FOCAD: variants seen among roughly 807,000 people sequenced by gnomAD.
The protein encoded by FOCAD is focadhesin.
A neutral mutation model predicts 225.6 loss-of-function variants in FOCAD; 198 were observed. The ratio of observed to expected loss-of-function variants is 0.88; its 90% CI spans 0.78 to 0.99. FOCAD has a LOEUF of 0.99. FOCAD is among the 50% of genes least tolerant of loss of function. The pLI is 0.00. For synonymous variants in FOCAD, 897 were observed against 755.0 expected, an observed-to-expected ratio of 1.19 and a Z score of -3.08; for missense variants, 2,713 against 2,123.6, an observed-to-expected ratio of 1.28 and a Z score of -5.46.
chr9:20,817,338 T>C (rs963026777), intron 11 of FOCAD, among the ~76,000 whole-genome samples: 4 of 152,110 alleles, frequency 2.6e-5, no homozygotes, highest in African/African-American at 4.8e-5. Context: ...GGAAACCCCA[T>C]GCCCATAAGA....
chr9:20,820,859 G>T, intron 13 of FOCAD, 82 bp from the exon 14 acceptor site: 1 of 1,462,780 alleles, frequency 6.8e-7, no homozygotes, highest in Admixed American at 1.9e-5. Context: ...GGATTTGGAG[G>T]TGAAAATGCT....
chr9:20,941,322 A>G (rs1298950892), intron 28 of FOCAD, among the ~76,000 whole-genome samples: 3 of 152,212 alleles, frequency 2.0e-5, no homozygotes, highest in African/African-American at 7.2e-5. Flanking sequence ...AACTGTAGTC[A>G]TGCAGTCATC....
At chr9:20,794,346 A>G (rs1042205703) in intron 11 of FOCAD, among the ~76,000 whole-genome samples, 5 of 152,236 alleles carry the variant, frequency 3.3e-5, no homozygotes, top group Non-Finnish European at 4.4e-5. Context: ...TGTGATTGCC[A>G]TAGTGTATAT....
intron 35 of FOCAD, among the ~76,000 whole-genome samples, chr9:20,972,020 T>C (rs1839809244): frequency 6.6e-6 from 1 of 152,188 alleles, no homozygotes; most frequent in African/African-American, 2.4e-5. Context: ...GGGTTGCTTT[T>C]ACCAATTGGC....
At chr9:20,801,934 C>G (rs962872454) in intron 11 of FOCAD, among the ~76,000 whole-genome samples, 4 of 152,138 alleles carry the variant, frequency 2.6e-5, no homozygotes, top group African/African-American at 9.7e-5. Context: ...GTCCCTTTGT[C>G]TGTTGAGCAC....
At chr9:20,882,107 A>T in intron 20 of FOCAD, 51 bp downstream of exon 20, 1 of 1,519,512 alleles carries the variant, frequency 6.6e-7, no homozygotes, top group Non-Finnish European at 9.0e-7. Flanking sequence ...GTAATGATTT[A>T]ACTTCCACTT....
chr9:20,876,931 T>G (rs903991921), intron 19 of FOCAD, among the ~76,000 whole-genome samples: 1 of 152,204 alleles, frequency 6.6e-6, no homozygotes, highest in Non-Finnish European at 1.5e-5. Flanking sequence ...ATTTGCATTA[T>G]TTAAATAGAG....
At chr9:20,796,901 A>C (rs10811403) in intron 11 of FOCAD, among the ~76,000 whole-genome samples, 28,598 of 149,676 alleles carry the variant, frequency 0.19, 2,989 homozygotes, top group Non-Finnish European at 0.24. Context: ...ATACCTATGT[A>C]CTGAATGGTA....
At chr9:20,968,052 C>T (rs763863822) in intron 35 of FOCAD, among the ~76,000 whole-genome samples, 49 of 151,922 alleles carry the variant, frequency 3.2e-4, no homozygotes, top group African/African-American at 8.5e-4. Flanking sequence ...TTTAAGTGTC[C>T]GGGAGAATTC....
chr9:20,991,394 T>C (rs778411578), intron 42 of FOCAD, among the ~76,000 whole-genome samples: 1 of 152,232 alleles, frequency 6.6e-6, no homozygotes, highest in Middle Eastern at 3.2e-3. Flanking sequence ...ATTTCTGAAC[T>C]GTAGACCCAT....
intron 1 of FOCAD, among the ~76,000 whole-genome samples, chr9:20,715,078 C>T (rs1435149761): frequency 1.3e-5 from 2 of 152,068 alleles, no homozygotes; most frequent in African/African-American, 2.4e-5. Context: ...TCATCTTTTT[C>T]AGGATTAGCT....
Position 20,988,352 on chromosome 9 carries a change from T to C in FOCAD, c.4927T>C (p.Trp1643Arg). Reference protein sequence around the residue: ...ANTGVLKRMEWLLELMGYIRN... With the variant: ...ANTGVLKRMERLLELMGYIRN... Reference sequence around the variant, plus strand: ...TTCAGGCGTTTTGAAGAGAATGGAGTGGCTCTTGGAACTGATGGGTTATAT... The same window carrying C: ...TTCAGGCGTTTTGAAGAGAATGGAGCGGCTCTTGGAACTGATGGGTTATAT... Residue 1643 changes from tryptophan to arginine, a missense_variant, in exon 41 of 44, where the codon TGG becomes CGG. Trp to Arg is a moderately radical substitution (Grantham distance 101). Coordinates refer to ENST00000338382, the MANE Select transcript of FOCAD (RefSeq NM_001375567.1). The C allele has an allele frequency of 6.2e-7, 1 of 1,610,126 alleles. No homozygotes were observed. Among genetic ancestry groups the C allele is most frequent in the Non-Finnish European group, 8.5e-7 (1 of 1,177,642 alleles).
At chr9:20,778,845 C>A in intron 9 of FOCAD, 77 bp downstream of exon 9, 1 of 718,768 alleles carries the variant, frequency 1.4e-6, no homozygotes, top group South Asian at 2.1e-5. Context: ...AACTATGTAT[C>A]CTGCTATCTT....
chr9:20,917,019 C>T (rs1458751153), intron 24 of FOCAD, 82 bp downstream of exon 24: 5 of 1,097,618 alleles, frequency 4.6e-6, no homozygotes, highest in African/African-American at 1.6e-5. Flanking sequence ...CCTTTTAGGG[C>T]ATTTCATAAT....
chr9:20,838,428 A>G (rs1005583746), intron 15 of FOCAD, among the ~76,000 whole-genome samples: 1 of 152,102 alleles, frequency 6.6e-6, no homozygotes, highest in African/African-American at 2.4e-5. Flanking sequence ...GCCATGGCAC[A>G]CTGCCTCTAC....
At chr9:20,865,586 A>C (rs1364808869) in intron 16 of FOCAD, among the ~76,000 whole-genome samples, 1 of 152,042 alleles carries the variant, frequency 6.6e-6, no homozygotes, top group Non-Finnish European at 1.5e-5. Flanking sequence ...CCGTATGGCC[A>C]CATGGAGAAA....
At chr9:20,768,434 C>T (rs997194264) in intron 7 of FOCAD, among the ~76,000 whole-genome samples, 21 of 151,728 alleles carry the variant, frequency 1.4e-4, no homozygotes, top group African/African-American at 4.1e-4. Flanking sequence ...GCCATTTTCA[C>T]GATATTGATT....
chr9:20,954,922 G>A (rs1837999959), intron 35 of FOCAD, among the ~76,000 whole-genome samples: 1 of 152,194 alleles, frequency 6.6e-6, no homozygotes, highest in East Asian at 1.9e-4. Context: ...ACCCTGCTCT[G>A]TGGGGCTAAA....
At chr9:20,740,923 T>A (rs1586985116) in intron 5 of FOCAD, among the ~76,000 whole-genome samples, 1 of 152,306 alleles carries the variant, frequency 6.6e-6, no homozygotes, top group South Asian at 2.1e-4. Flanking sequence ...GAATCATACT[T>A]CCTTGTGAAG....
Sources: gnomAD v4.1 joint callset for allele counts (sites outside exome capture counted in the v4.1 genomes callset) on GRCh38, gnomAD v4.1.1 for gene constraint, MANE v1.5 for transcripts, NCBI Gene and HGNC (gene_info 2026-07-23, HGNC 2026-07-21) for gene names.